ZNF454: variants seen among roughly 807,000 people sequenced by gnomAD.
The protein encoded by ZNF454 is zinc finger protein 454.
Under a neutral mutation model 48.2 loss-of-function variants are expected in ZNF454, and 30 were observed. That is an observed-to-expected ratio of 0.62 (90% CI 0.47 to 0.84). The LOEUF (loss-of-function observed/expected upper bound fraction) is 0.84. ZNF454 is among the 40% of genes least tolerant of loss of function. The pLI is 0.00. For missense variants in ZNF454, 510 were observed against 623.1 expected (o/e 0.82, Z 1.93); for synonymous variants, 204 against 211.4 (o/e 0.97, Z 0.30).
At chr5:178,989,940 T>A in the ZNF454 span, 23,349 of 211,458 alleles carry the variant, frequency 0.11, 1,688 homozygotes, top group Non-Finnish European at 0.15. Flanking sequence ...TGTCTTGTGA[T>A]GAGATGCCTT....
the ZNF454 span, among the ~76,000 whole-genome samples, chr5:178,973,541 A>T: frequency 2.6e-5 from 4 of 151,840 alleles, no homozygotes; most frequent in African/African-American, 7.3e-5. Flanking sequence ...TTTACTGATT[A>T]AAAAAAATAG....
At chr5:178,978,808 G>A in the ZNF454 span, 1 of 152,202 alleles carries the variant, frequency 6.6e-6, no homozygotes, top group South Asian at 2.1e-4. Flanking sequence ...CACACTGGAA[G>A]AATGCCTTAT....
At chr5:178,985,619 C>A in the ZNF454 span, 15 of 360,070 alleles carry the variant, frequency 4.2e-5, 1 homozygote, top group Middle Eastern at 2.6e-3. Context: ...AGGAGAATGG[C>A]GTGAACCCGG....
At chr5:178,945,694 T>TG (rs985297370) in intron 2 of ZNF454, among the ~76,000 whole-genome samples, 19 of 132,064 alleles carry the variant, frequency 1.4e-4, no homozygotes, top group Non-Finnish European at 2.3e-4. Context: ...TCTCTGTGTG[T>TG]GGGGGGGTGT....
At chr5:178,987,998 GATCC>G in the ZNF454 span, among the ~76,000 whole-genome samples, 1 of 151,884 alleles carries the variant, frequency 6.6e-6, no homozygotes, top group Non-Finnish European at 1.5e-5. Flanking sequence ...GACCTCAAGT[GATCC>G]ACCTGTCTCG....
chr5:178,986,730 G>T, the ZNF454 span: 1 of 1,605,474 alleles, frequency 6.2e-7, no homozygotes, highest in South Asian at 1.1e-5. Context: ...CGTGGGGGTC[G>T]CCAGACCACT....
At chr5:178,978,677 A>G in the ZNF454 span, 1 of 152,254 alleles carries the variant, frequency 6.6e-6, no homozygotes, top group Non-Finnish European at 1.5e-5. Flanking sequence ...TAAACATGGA[A>G]TAAGCCTCCA....
Position 178,941,368 on chromosome 5 carries a change from C to G in ZNF454, c.-184C>G, listed in dbSNP as rs540525641. On this transcript the variant is annotated 5_prime_UTR_variant, in exon 1 of 5. Transcript: ENST00000519564. The surrounding 1 kb of genome is among the most constrained non-coding windows in gnomAD (Gnocchi z 5.5). ...TCGTGAGGTCGTCTGGGGAGAAGGGCGGAGGCAAAGCCGAGGAGGTGCGGG... is the reference window on the plus strand; with the variant it reads ...TCGTGAGGTCGTCTGGGGAGAAGGGGGGAGGCAAAGCCGAGGAGGTGCGGG... 2 of 456,492 alleles carry G rather than the reference C, an allele frequency of 4.4e-6. No homozygotes were observed. Among genetic ancestry groups the G allele is most frequent in the Non-Finnish European group, 8.8e-6 (2 of 226,850 alleles). 28.3% of individuals were successfully genotyped at this position (456,492 alleles called of 1,614,324 possible).
downstream of ZNF454, among the ~76,000 whole-genome samples, chr5:178,970,824 G>C (rs1296962309): frequency 6.6e-6 from 1 of 152,160 alleles, no homozygotes; most frequent in Admixed American, 6.5e-5. Context: ...TTGCATTTTT[G>C]TCACCTGGTT....
chr5:178,969,225 A>G (rs186892225), downstream of ZNF454, among the ~76,000 whole-genome samples: 21 of 152,240 alleles, frequency 1.4e-4, no homozygotes, highest in East Asian at 3.7e-3. Context: ...CGTGGATGAT[A>G]CTGCTCTCTA....
intron 2 of ZNF454, among the ~76,000 whole-genome samples, chr5:178,945,101 G>A (rs569543981): frequency 2.9e-5 from 3 of 102,360 alleles, no homozygotes; most frequent in South Asian, 6.1e-4. Flanking sequence ...GTGTGTGTTC[G>A]GGTGTGTGTG....
chr5:178,978,514 T>C, the ZNF454 span: 2 of 152,126 alleles, frequency 1.3e-5, no homozygotes, highest in Admixed American at 6.5e-5. Flanking sequence ...CCTAAGAAAA[T>C]GGTTACTATA....
chr5:178,948,760 C>G (rs574133500), intron 4 of ZNF454, among the ~76,000 whole-genome samples: 216 of 151,126 alleles, frequency 1.4e-3, no homozygotes, highest in African/African-American at 5.0e-3. Context: ...TTCCCATTTC[C>G]TATTAAAATT....
chr5:178,968,043 T>TC, downstream of ZNF454, among the ~76,000 whole-genome samples: 1 of 151,382 alleles, frequency 6.6e-6, no homozygotes, highest in East Asian at 2.0e-4. Context: ...CCGGCCACCT[T>TC]CCCCGTCTTT....
chr5:178,961,402 TTGTTAA>T (rs1395638051), intron 4 of ZNF454, among the ~76,000 whole-genome samples: 3 of 151,844 alleles, frequency 2.0e-5, no homozygotes, highest in African/African-American at 7.2e-5. Flanking sequence ...CTGTATTAGC[TTGTTAA>T]TTAACCTTCT....
chr5:178,955,677 G>A (rs1476273799), intron 4 of ZNF454, among the ~76,000 whole-genome samples: 2 of 152,128 alleles, frequency 1.3e-5, no homozygotes, highest in Non-Finnish European at 2.9e-5. Context: ...TCAGAGTAAT[G>A]TTAGTCTCAC....
rs138840724 is a variant in ZNF454 at position 178,961,119 on chromosome 5, C to T, written c.251-3536C>T. Among the ~76,000 whole-genome samples the T allele has an allele frequency of 1.5e-3, 221 of 151,388 alleles. 23 individuals are homozygous for T. In the East Asian group the frequency reaches 0.041, roughly 28 times the overall value. On this transcript the variant is annotated intron_variant, in intron 4 of 4. Transcript: ENST00000519564. ...CTAATTTTTGTATTTTTAGTAGAGA[C>T]GGGGTTTCACCACGTTGGCCAGGAT...
At chr5:178,973,045 G>A in the ZNF454 span, among the ~76,000 whole-genome samples, 1 of 149,612 alleles carries the variant, frequency 6.7e-6, no homozygotes. Context: ...GCTGACAGCA[G>A]ATCCGGCTGC....
the ZNF454 span, among the ~76,000 whole-genome samples, chr5:178,976,457 T>TG: frequency 5.9e-5 from 9 of 151,520 alleles, no homozygotes; most frequent in Admixed American, 2.6e-4. Flanking sequence ...ATAAGCAGTC[T>TG]GTGGGGGGCA....
Sources: gnomAD v4.1 joint callset for allele counts (sites outside exome capture counted in the v4.1 genomes callset) on GRCh38, gnomAD v4.1.1 for gene constraint, Gnocchi (gnomAD v3.1) non-coding constraint, MANE v1.5 for transcripts, NCBI Gene and HGNC (gene_info 2026-07-23, HGNC 2026-07-21) for gene names.